Variants in DRC1 observed in about 807,000 individuals in gnomAD.
DRC1 encodes the protein dynein regulatory complex subunit 1, also known as dynein regulatory complex protein 1.
Under a neutral mutation model 98.7 loss-of-function variants are expected in DRC1, and 74 were observed. That is an observed-to-expected ratio of 0.75 (90% confidence interval 0.62 to 0.91). DRC1 has a LOEUF of 0.91. Ranked by LOEUF, DRC1 falls within the 40% of genes least tolerant of loss-of-function variation. DRC1 has a pLI of 0.00. For synonymous variants in DRC1, 336 were observed against 334.1 expected (o/e 1.01, Z -0.06); for missense variants, 875 against 886.0 (o/e 0.99, Z 0.16).
intron 11 of DRC1, 31 bp downstream of exon 11, chr2:26,448,834 A>G (rs1663928557): frequency 1.2e-6 from 2 of 1,605,948 alleles, no homozygotes; most frequent in South Asian, 2.2e-5. Flanking sequence ...CAGCAGAGGG[A>G]CTCACGGGGG....
intron 1 of DRC1, among the ~76,000 whole-genome samples, chr2:26,408,268 T>C (rs1678486697): frequency 6.6e-6 from 1 of 152,186 alleles, no homozygotes; most frequent in African/African-American, 2.4e-5. Flanking sequence ...GCGGAGGATC[T>C]AGGGCTTGGG....
chr2:26,442,488 G>T lies in DRC1; in HGVS notation c.1029-1734G>T, dbSNP rs143359224. Among the ~76,000 whole-genome samples the T allele has an allele frequency of 4.9e-3, 740 of 152,242 alleles. 2 individuals are homozygous for T. Among genetic ancestry groups the T allele is most frequent in the African/African-American group, 0.017 (688 of 41,546 alleles). On this transcript the variant is annotated intron_variant, in intron 8 of 16. Transcript: ENST00000288710. ...TGTATTTGTTTCCTTTGGTGGTTCT[G>T]CTTTTCCTTGCTTGATATGTCTTGA...
chr2:26,424,597 T>A, intron 4 of DRC1, 143 bp downstream of exon 4: 2 of 867,118 alleles, frequency 2.3e-6, no homozygotes, highest in South Asian at 4.4e-5. Flanking sequence ...TGTTATAAAC[T>A]TTTTTCCATG....
intron 8 of DRC1, 120 bp from the exon 9 acceptor site, chr2:26,444,102 T>C: frequency 7.1e-7 from 1 of 1,404,510 alleles, no homozygotes; most frequent in Non-Finnish European, 9.7e-7. Context: ...TATGGGAGGG[T>C]TTTCTGCTCT....
At chr2:26,455,290 A>C in intron 16 of DRC1, 57 bp downstream of exon 16, 2 of 1,541,660 alleles carry the variant, frequency 1.3e-6, no homozygotes, top group Non-Finnish European at 1.8e-6. Flanking sequence ...GGGCAGGGGC[A>C]CTGGAGCTGG....
At chr2:26,415,292 G>T (rs1034391560) in intron 2 of DRC1, among the ~76,000 whole-genome samples, 8 of 152,164 alleles carry the variant, frequency 5.3e-5, no homozygotes, top group Admixed American at 5.2e-4. Flanking sequence ...GGCAAAAATG[G>T]TGATACCGTG....
At chr2:26,423,427 A>C (rs1663200770) in intron 3 of DRC1, among the ~76,000 whole-genome samples, 1 of 152,124 alleles carries the variant, frequency 6.6e-6, no homozygotes, top group Non-Finnish European at 1.5e-5. Context: ...CTCTCATAGG[A>C]TTAGTCTGTT....
At chr2:26,430,923 A>ATTGTGACT in intron 6 of DRC1, 51 bp downstream of exon 6, 1 of 879,426 alleles carries the variant, frequency 1.1e-6, no homozygotes, top group Non-Finnish European at 1.7e-6. Context: ...GGTGATTTTT[A>ATTGTGACT]TTGTGACTGA....
At chr2:26,422,249 G>T (rs922766571) in intron 3 of DRC1, among the ~76,000 whole-genome samples, 2 of 152,204 alleles carry the variant, frequency 1.3e-5, no homozygotes, top group African/African-American at 4.8e-5. Context: ...GCGGGTAATG[G>T]AAGAAAAGAG....
At chr2:26,416,434 C>T (rs540320420) in intron 2 of DRC1, among the ~76,000 whole-genome samples, 89 of 152,130 alleles carry the variant, frequency 5.9e-4, no homozygotes, top group Admixed American at 1.4e-3. Context: ...GCCACCGTGC[C>T]CGGCCTTACC....
At chr2:26,420,157 G>T (rs1022372452) in intron 2 of DRC1, among the ~76,000 whole-genome samples, 1 of 152,176 alleles carries the variant, frequency 6.6e-6, no homozygotes. Context: ...AGAAGGGGCA[G>T]AAGTGGGGCA....
intron 7 of DRC1, among the ~76,000 whole-genome samples, chr2:26,432,648 A>G (rs575634059): frequency 1.3e-5 from 2 of 152,330 alleles, no homozygotes; most frequent in African/African-American, 2.4e-5. Context: ...CTAAGATGCT[A>G]CAGAGGTCTG....
At chr2:26,402,730 G>A (rs1678292270) in intron 1 of DRC1, among the ~76,000 whole-genome samples, 1 of 152,158 alleles carries the variant, frequency 6.6e-6, no homozygotes, top group Non-Finnish European at 1.5e-5. Context: ...CTGACCACTG[G>A]ACCCCTACAA....
At chr2:26,448,910 C>T in intron 11 of DRC1, 107 bp downstream of exon 11, 2 of 1,135,734 alleles carry the variant, frequency 1.8e-6, no homozygotes, top group Non-Finnish European at 2.6e-6. Context: ...CCAGTCCTCC[C>T]CTGGCCAAGC....
rs1304444647 is a variant in DRC1 at position 26,444,805 on chromosome 2, A to G, written c.1253A>G (p.Asp418Gly). The G allele has an allele frequency of 6.2e-7, 1 of 1,614,170 alleles. No homozygotes were observed. Among genetic ancestry groups the G allele is most frequent in the African/African-American group, 1.3e-5 (1 of 75,046 alleles). Residue 418 changes from aspartate (D) to glycine (G), a missense_variant, in exon 10 of 17, where the codon GAT (aspartate) becomes GGT (glycine). Physicochemically the swap from Asp to Gly is moderately conservative, Grantham distance 94. Transcript: ENST00000288710. ...AAGGACCTAATAGCCAGAGCCTTTG[A>G]TGTGGACAGGATCATCCACACCCAT... ...EAKDLIARAF[D>G]VDRIIHTHHL...
At position 26,439,936 on chromosome 2, in the gene DRC1, T is replaced by TATATATAC. The variant is rs548209014; in HGVS notation, c.889-441_889-440insTATATACA. 1.7e-4 allele frequency among the ~76,000 whole-genome samples: 13 copies of TATATATAC among 75,452 alleles called. 1 individual carries two copies. The highest frequency in any genetic ancestry group is 6.6e-3 in the Middle Eastern group (1 of 152). The allele number at this position is 75,452 out of a possible 152,430, so 49.5% of individuals were successfully genotyped here. A position where few individuals can be genotyped will look rare whatever the true frequency, so the allele number is the denominator to read the frequency against. On this transcript the variant is annotated intron_variant, in intron 7 of 16. Coordinates refer to ENST00000288710, the MANE Select transcript of DRC1 (RefSeq NM_145038.5). ...ACTAGTGTGTGAATATATATATATA[T>TATATATAC]ACACACACACATACACACACACACA... is the stretch of plus-strand genomic sequence containing the variant.
chr2:26,441,097 C>T (rs1056980109), intron 8 of DRC1, among the ~76,000 whole-genome samples: 1 of 152,200 alleles, frequency 6.6e-6, no homozygotes, highest in Non-Finnish European at 1.5e-5. Context: ...CTTGAAATTT[C>T]TCATACATCC....
chr2:26,433,438 A>G (rs1002254649), intron 7 of DRC1, among the ~76,000 whole-genome samples: 8 of 152,208 alleles, frequency 5.3e-5, no homozygotes, highest in Admixed American at 6.5e-5. Context: ...TCTCATATTA[A>G]TGTCACAGAA....
chr2:26,418,646 A>AATATAAATTATATATAATTTATATAT (rs1558438188), intron 2 of DRC1, among the ~76,000 whole-genome samples: 2 of 93,646 alleles, frequency 2.1e-5, no homozygotes, highest in East Asian at 2.4e-4. Flanking sequence ...AATTTATATA[A>AATATAAATTATATATAATTTATATAT]TATATAAATT....
Sources: gnomAD v4.1 joint callset for allele counts (sites outside exome capture counted in the v4.1 genomes callset) on GRCh38, gnomAD v4.1.1 for gene constraint, MANE v1.5 for transcripts, NCBI Gene and HGNC (gene_info 2026-07-23, HGNC 2026-07-21) for gene names.